MR1: variants seen among roughly 807,000 people sequenced by gnomAD.
MR1 encodes major histocompatibility complex class I-related protein 1.
A neutral mutation model predicts 37.8 loss-of-function variants in MR1; 44 were observed. The ratio of observed to expected loss-of-function variants is 1.16; its 90% confidence interval spans 0.91 to 1.50. MR1 has a LOEUF of 1.50. MR1 is among the 40% of genes most tolerant of loss of function. MR1 has a pLI of 0.00. For missense variants in MR1, 386 were observed against 419.1 expected (o/e 0.92, Z 0.69); for synonymous variants, 153 against 155.8 (o/e 0.98, Z 0.13).
intron 3 of MR1, 25 bp from the exon 4 acceptor site, chr1:181,052,210 T>G (rs775439388): frequency 3.5e-5 from 57 of 1,609,528 alleles, no homozygotes; most frequent in Non-Finnish European, 4.8e-5. Flanking sequence ...GGCACTTTGA[T>G]TTAACTTTAG....
chr1:181,036,515 A>G (rs1377802260), intron 1 of MR1, among the ~76,000 whole-genome samples: 2 of 152,180 alleles, frequency 1.3e-5, no homozygotes, highest in Non-Finnish European at 2.9e-5. Flanking sequence ...AGTGGGAGCT[A>G]TATACCAGTA....
chr1:181,048,815 C>A (rs1234798208), intron 1 of MR1, among the ~76,000 whole-genome samples: 3 of 152,188 alleles, frequency 2.0e-5, no homozygotes, highest in Non-Finnish European at 4.4e-5. Flanking sequence ...TATAAAATTC[C>A]ATCCTGCATT....
At chr1:181,051,907 T>C (rs1366695222) in intron 3 of MR1, among the ~76,000 whole-genome samples, 1 of 152,216 alleles carries the variant, frequency 6.6e-6, no homozygotes, top group Non-Finnish European at 1.5e-5. Flanking sequence ...ACACATTTTA[T>C]GGGTCAGTTT....
intron 1 of MR1, among the ~76,000 whole-genome samples, chr1:181,037,369 G>A (rs1657331652): frequency 6.6e-6 from 1 of 152,188 alleles, no homozygotes; most frequent in Non-Finnish European, 1.5e-5. Flanking sequence ...TTTCCATGGA[G>A]CTGTTGCCAA....
intron 1 of MR1, among the ~76,000 whole-genome samples, chr1:181,039,588 G>A (rs765460798): frequency 4.6e-5 from 7 of 152,244 alleles, no homozygotes; most frequent in East Asian, 1.9e-4. Flanking sequence ...CCATGAGGCC[G>A]GGCGCGGTGG....
chr1:181,043,093 A>G (rs12134601), intron 1 of MR1, among the ~76,000 whole-genome samples: 43,186 of 152,046 alleles, frequency 0.28, 6,876 homozygotes, highest in African/African-American at 0.43. Flanking sequence ...TCATGCTCTG[A>G]TGCAATCTCT....
chr1:181,034,218 A>G, intron 1 of MR1, 144 bp downstream of exon 1: 1 of 639,894 alleles, frequency 1.6e-6, no homozygotes, highest in Non-Finnish European at 2.5e-6. Flanking sequence ...TCCAGGAGCA[A>G]TGGATTGCCT....
intron 3 of MR1, chr1:181,050,722 T>G: frequency 4.6e-6 from 1 of 217,626 alleles, no homozygotes. Flanking sequence ...TTGGGCATGA[T>G]GGCTCATGCC....
At chr1:181,053,733 G>A in intron 5 of MR1, 56 bp downstream of exon 5, 5 of 1,291,664 alleles carry the variant, frequency 3.9e-6, no homozygotes, top group Middle Eastern at 1.9e-4. Context: ...CATCTCTCCA[G>A]TTTTATTTTC....
chr1:181,047,652 C>T (rs1657977671), intron 1 of MR1, among the ~76,000 whole-genome samples: 1 of 149,192 alleles, frequency 6.7e-6, no homozygotes, highest in East Asian at 2.0e-4. Context: ...AATCCCAGCA[C>T]TTTGGGAGGC....
At chr1:181,036,905 T>G (rs146005267) in intron 1 of MR1, 1 of 152,346 alleles carries the variant, frequency 6.6e-6, no homozygotes, top group African/African-American at 2.4e-5. Context: ...TAATAACGAC[T>G]GCAAATTCAA....
chr1:181,051,293 C>G (rs1257421052), intron 3 of MR1: 1 of 151,984 alleles, frequency 6.6e-6, no homozygotes, highest in Non-Finnish European at 1.5e-5. Context: ...AAACACATTC[C>G]TAGAAAAGGA....
At chr1:181,044,139 A>G (rs919701935) in intron 1 of MR1, among the ~76,000 whole-genome samples, 2 of 151,634 alleles carry the variant, frequency 1.3e-5, no homozygotes, top group Non-Finnish European at 2.9e-5. Context: ...AATTTTTTGT[A>G]TTTTTAGTAG....
intron 1 of MR1, among the ~76,000 whole-genome samples, chr1:181,043,417 A>G (rs1038967045): frequency 6.6e-6 from 1 of 152,252 alleles, no homozygotes; most frequent in African/African-American, 2.4e-5. Flanking sequence ...GCAAGGAGAA[A>G]GAAGTGCTAA....
chr1:181,034,696 C>T (rs530271476), intron 1 of MR1, among the ~76,000 whole-genome samples: 3 of 152,102 alleles, frequency 2.0e-5, no homozygotes, highest in Non-Finnish European at 2.9e-5. Flanking sequence ...CTGCCCTAAT[C>T]ACTTGCTCCC....
chr1:181,046,244 A>T (rs1657859456), intron 1 of MR1, among the ~76,000 whole-genome samples: 1 of 152,254 alleles, frequency 6.6e-6, no homozygotes, highest in Non-Finnish European at 1.5e-5. Flanking sequence ...AGGCAGCTCC[A>T]CCTGCAGCCC....
chr1:181,033,780 A>AAGAT (rs1231691284), upstream of MR1: 1 of 454,612 alleles, frequency 2.2e-6, no homozygotes, highest in African/African-American at 2.0e-5. Context: ...GAATAGGGTG[A>AAGAT]AGATAGATAC....
chr1:181,043,314 C>G (rs560567519), intron 1 of MR1, among the ~76,000 whole-genome samples: 43 of 152,354 alleles, frequency 2.8e-4, no homozygotes, highest in African/African-American at 1.0e-3. Flanking sequence ...AGTATTGCAG[C>G]TGACATGCAG....
chr1:181,048,886 G>A (rs746811130), intron 1 of MR1, among the ~76,000 whole-genome samples, 166 bp from the exon 2 acceptor site: 46 of 152,206 alleles, frequency 3.0e-4, no homozygotes, highest in Non-Finnish European at 6.0e-4. Context: ...TCCTGTCCAG[G>A]CCCCGGTTCC....
Sources: allele counts gnomAD v4.1 joint callset (sites outside exome capture counted in the v4.1 genomes callset), GRCh38; gene constraint gnomAD v4.1.1; transcripts MANE v1.5; gene names NCBI Gene and HGNC (gene_info 2026-07-23, HGNC 2026-07-21).